Variants in JMJD1C observed in about 807,000 individuals in gnomAD.
JMJD1C encodes the protein jumonji domain containing 1C.
Under a neutral mutation model 245.3 loss-of-function variants are expected in JMJD1C, and 31 were observed. That is an observed-to-expected ratio of 0.13 (90% CI 0.09 to 0.17). The LOEUF (loss-of-function observed/expected upper bound fraction) is 0.17. Among genes scored for constraint, JMJD1C ranks in the 10% least tolerant of loss-of-function variants. JMJD1C has a pLI of 1.00. For synonymous variants in JMJD1C, 1,057 were observed against 1,017.4 expected, an observed-to-expected ratio of 1.04 and a Z score of -0.74; for missense variants, 2,691 against 3,000.2, an observed-to-expected ratio of 0.90 and a Z score of 2.41.
chr10:63,429,506 T>G (rs961088013), intron 1 of JMJD1C, among the ~76,000 whole-genome samples: 1 of 152,196 alleles, frequency 6.6e-6, no homozygotes, highest in East Asian at 1.9e-4. Context: ...GAACAAAAAC[T>G]ATTTGGCAAA....
intron 1 of JMJD1C, among the ~76,000 whole-genome samples, chr10:63,477,677 G>A (rs1399644649): frequency 6.6e-6 from 1 of 151,912 alleles, no homozygotes; most frequent in Non-Finnish European, 1.5e-5. Flanking sequence ...AAGAAAACAG[G>A]AGGAAACATT....
intron 1 of JMJD1C, among the ~76,000 whole-genome samples, chr10:63,408,978 A>T (rs1031237509): frequency 6.6e-6 from 1 of 152,336 alleles, no homozygotes; most frequent in Admixed American, 6.5e-5. Flanking sequence ...GTATCTGATT[A>T]ATCAGTGGCA....
In JMJD1C at chr10:63,259,412, GA is replaced by G. The variant is rs139773244; in HGVS notation, c.447+5238del. 4.2e-4 allele frequency among the ~76,000 whole-genome samples: 62 copies of G among 148,252 alleles called. No homozygotes were observed. In the East Asian group the frequency reaches 9.8e-3, roughly 23 times the overall value. On this transcript the variant is annotated intron_variant, in intron 3 of 25. Transcript: ENST00000399262. ...ATAGGACAGTAACACAAATTTAGGA[GA>G]AAAAAAAAATACATGTCTCTGGTAC...
At chr10:63,328,908 A>T (rs1941827456) in intron 2 of JMJD1C, among the ~76,000 whole-genome samples, 1 of 152,214 alleles carries the variant, frequency 6.6e-6, no homozygotes, top group South Asian at 2.1e-4. Context: ...AAGATCTAGG[A>T]TTACACTATC....
At chr10:63,391,263 C>A (rs1346566156) in intron 1 of JMJD1C, among the ~76,000 whole-genome samples, 1 of 152,236 alleles carries the variant, frequency 6.6e-6, no homozygotes, top group Admixed American at 6.5e-5. Flanking sequence ...GTAATCCCAG[C>A]ACTTTGGGAG....
intron 1 of JMJD1C, among the ~76,000 whole-genome samples, chr10:63,479,417 T>A (rs7909960): frequency 0.42 from 63,870 of 151,852 alleles, 14,162 homozygotes; most frequent in South Asian, 0.53. Flanking sequence ...TTTTACAAAA[T>A]AAGCAATAAT....
chr10:63,511,130 A>C (rs958157120), intron 1 of JMJD1C, among the ~76,000 whole-genome samples: 1 of 152,170 alleles, frequency 6.6e-6, no homozygotes, highest in South Asian at 2.1e-4. Flanking sequence ...TCACTCTACT[A>C]ATCTCTGTCT....
intron 2 of JMJD1C, among the ~76,000 whole-genome samples, chr10:63,286,268 A>C (rs1010301073): frequency 6.6e-6 from 1 of 152,238 alleles, no homozygotes; most frequent in Non-Finnish European, 1.5e-5. Flanking sequence ...CACCTGGAGA[A>C]CATTCTAAGA....
chr10:63,428,021 T>C, intron 1 of JMJD1C: 1 of 620,444 alleles, frequency 1.6e-6, no homozygotes, highest in Non-Finnish European at 2.9e-6. Flanking sequence ...CACTGTACTT[T>C]ATCATTAAAA....
chr10:63,183,937 T>C (rs1487088020), intron 21 of JMJD1C, among the ~76,000 whole-genome samples: 1 of 152,236 alleles, frequency 6.6e-6, no homozygotes, highest in African/African-American at 2.4e-5. Flanking sequence ...GGAACAGTAA[T>C]TCTTTTTTTG....
At chr10:63,421,583 A>G (rs1950129460) in intron 1 of JMJD1C, among the ~76,000 whole-genome samples, 1 of 152,106 alleles carries the variant, frequency 6.6e-6, no homozygotes, top group Non-Finnish European at 1.5e-5. Context: ...TATTATTTTG[A>G]ACTGCTGTGC....
chr10:63,176,649 G>A (rs2132809232), intron 23 of JMJD1C, 176 bp from the exon 24 acceptor site: 8 of 595,872 alleles, frequency 1.3e-5, no homozygotes, highest in South Asian at 2.2e-5. Context: ...GAAAGCCAAA[G>A]AATATTAAAA....
Position 63,266,041 on chromosome 10 carries a change from C to T in JMJD1C, c.334-1277G>A, listed in dbSNP as rs1437183123. 3.2e-4 allele frequency among the ~76,000 whole-genome samples: 49 copies of T among 151,962 alleles called. 1 individual carries two copies. The highest frequency in any genetic ancestry group is 3.2e-3 in the Admixed American group (49 of 15,250). On this transcript the variant is annotated intron_variant, in intron 2 of 25. Coordinates refer to ENST00000399262, the MANE Select transcript of JMJD1C (RefSeq NM_032776.3). ...GAATTTCAGGTTGACTCACTGCAAT[C>T]TGTAACAATGTTTCAAAGTTAAAAA...
rs35442695 is a variant in JMJD1C, at chr10:63,277,731, C to CTTTTTTTTTTTTTTTTTTT, written c.334-12986_334-12968dup. Among the ~76,000 whole-genome samples the CTTTTTTTTTTTTTTTTTTT allele has an allele frequency of 2.0e-3, 130 of 64,276 alleles. 15 individuals carry two copies. Among genetic ancestry groups the CTTTTTTTTTTTTTTTTTTT allele is most frequent in the African/African-American group, 2.7e-3 (38 of 14,168 alleles). 42.2% of individuals were successfully genotyped at this position (64,276 alleles called of 152,430 possible). On this transcript the variant is annotated intron_variant, in intron 2 of 25. Transcript: ENST00000399262. ...TATTCATTGAGAGTAATTTGCATTT[C>CTTTTTTTTTTTTTTTTTTT]TTTTTTTTTTTTTTTTTTTTTTTTG...
At chr10:63,227,508 A>G (rs1849443879) in intron 3 of JMJD1C, among the ~76,000 whole-genome samples, 1 of 152,240 alleles carries the variant, frequency 6.6e-6, no homozygotes, top group South Asian at 2.1e-4. Context: ...ACAAAACTGC[A>G]GCAGTTTCTC....
chr10:63,477,989 T>C (rs1374883837), intron 1 of JMJD1C, among the ~76,000 whole-genome samples: 1 of 152,162 alleles, frequency 6.6e-6, no homozygotes, highest in African/African-American at 2.4e-5. Flanking sequence ...CTCAACATCA[T>C]TAATTATCAG....
intron 3 of JMJD1C, among the ~76,000 whole-genome samples, chr10:63,252,088 C>T (rs7081614): frequency 0.66 from 101,039 of 152,088 alleles, 36,183 homozygotes; most frequent in Non-Finnish European, 0.81. Context: ...TAAATAAAGG[C>T]TGAAAGGGGA....
chr10:63,187,121 T>A (rs535595152), intron 18 of JMJD1C, among the ~76,000 whole-genome samples: 3 of 150,248 alleles, frequency 2.0e-5, no homozygotes, highest in Non-Finnish European at 3.0e-5. Flanking sequence ...TCTAGCTAGA[T>A]TTTTTTTTTA....
At chr10:63,394,690 C>A (rs1948339308) in intron 1 of JMJD1C, among the ~76,000 whole-genome samples, 1 of 151,942 alleles carries the variant, frequency 6.6e-6, no homozygotes, top group Non-Finnish European at 1.5e-5. Context: ...ACTAATAATA[C>A]AAAATCAGTC....
Sources: gnomAD v4.1 joint callset for allele counts (sites outside exome capture counted in the v4.1 genomes callset) on GRCh38, gnomAD v4.1.1 for gene constraint, MANE v1.5 for transcripts, NCBI Gene and HGNC (gene_info 2026-07-23, HGNC 2026-07-21) for gene names.